Variants in GPT2 observed in about 807,000 individuals in gnomAD.
GPT2 encodes glutamic--pyruvic transaminase 2.
Under a neutral mutation model 56.9 loss-of-function variants are expected in GPT2, and 30 were observed. That is an observed-to-expected ratio of 0.53 (90% CI 0.39 to 0.72). The LOEUF (loss-of-function observed/expected upper bound fraction) is 0.72, where lower values mean the gene tolerates loss of function less well. GPT2 is among the 30% of genes least tolerant of loss of function. The pLI, the probability that GPT2 is intolerant of heterozygous loss-of-function variation, is 0.00. For synonymous variants in GPT2, 271 were observed against 283.1 expected (o/e 0.96, Z 0.43); for missense variants, 542 against 703.4 (o/e 0.77, Z 2.60).
At chr16:46,925,212 G>GT (rs147128714) in intron 10 of GPT2, among the ~76,000 whole-genome samples, 25,623 of 151,496 alleles carry the variant, frequency 0.17, 2,830 homozygotes, top group African/African-American at 0.31. Context: ...TGCCTGGCTT[G>GT]TTTTTTTGTT....
At chr16:46,895,015 A>T (rs1435718304) in intron 2 of GPT2, among the ~76,000 whole-genome samples, 6 of 152,076 alleles carry the variant, frequency 3.9e-5, no homozygotes, top group Non-Finnish European at 2.9e-5. Flanking sequence ...AACTCAGCAG[A>T]TGGGCCACAA....
chr16:46,924,005 G>T, intron 9 of GPT2: 1 of 353,672 alleles, frequency 2.8e-6, no homozygotes, highest in Admixed American at 3.8e-5. Context: ...GAACTCCCTG[G>T]TGTCTGTGTG....
At chr16:46,915,361 CAT>C (rs57307811) in intron 6 of GPT2, 122,005 of 151,162 alleles carry the variant, frequency 0.81, 50,372 homozygotes, top group East Asian at 0.99. Flanking sequence ...CACACATGCA[CAT>C]GTGTGTGCAC....
chr16:46,911,439 T>G (rs1261888301), intron 6 of GPT2, among the ~76,000 whole-genome samples: 1 of 152,120 alleles, frequency 6.6e-6, no homozygotes, highest in Non-Finnish European at 1.5e-5. Flanking sequence ...GTGCAGAAAA[T>G]GGGTGCAGCT....
At chr16:46,927,119 A>G (rs751874794) in intron 11 of GPT2, 82 bp downstream of exon 11, 17 of 833,452 alleles carry the variant, frequency 2.0e-5, no homozygotes, top group Non-Finnish European at 3.0e-5. Flanking sequence ...GCAGAGGACT[A>G]CTTCAAAGAG....
chr16:46,904,845 C>T (rs1238905499), intron 4 of GPT2, among the ~76,000 whole-genome samples: 1 of 152,168 alleles, frequency 6.6e-6, no homozygotes, highest in Non-Finnish European at 1.5e-5. Flanking sequence ...CCAGCATCTG[C>T]ACCTACCCTT....
chr16:46,907,654 C>T (rs1015375147), intron 5 of GPT2, among the ~76,000 whole-genome samples: 8 of 152,156 alleles, frequency 5.3e-5, no homozygotes, highest in East Asian at 1.9e-4. Flanking sequence ...AGTTACCAGG[C>T]GTGGGCTGGC....
At chr16:46,886,433 G>A (rs1960485729) in intron 2 of GPT2, among the ~76,000 whole-genome samples, 1 of 152,172 alleles carries the variant, frequency 6.6e-6, no homozygotes, top group Non-Finnish European at 1.5e-5. Flanking sequence ...AGGATGATGA[G>A]GACAGAAGGG....
At chr16:46,922,152 T>G in intron 8 of GPT2, 90 bp from the exon 9 acceptor site, 1 of 1,265,898 alleles carries the variant, frequency 7.9e-7, no homozygotes, top group East Asian at 2.4e-5. Flanking sequence ...GTGTTGGGTG[T>G]GGGAATGCTT....
chr16:46,924,094 A>C (rs1175947650), intron 9 of GPT2: 1 of 423,894 alleles, frequency 2.4e-6, no homozygotes, highest in African/African-American at 2.0e-5. Flanking sequence ...TGTTCCACCC[A>C]CCTCCCTGTT....
chr16:46,918,120 G>A (rs1961208854), intron 7 of GPT2, among the ~76,000 whole-genome samples: 1 of 152,236 alleles, frequency 6.6e-6, no homozygotes, highest in South Asian at 2.1e-4. Flanking sequence ...GGGTATAAAT[G>A]CTGCTCTGGC....
At chr16:46,924,812 G>A (rs1460937520) in intron 10 of GPT2, among the ~76,000 whole-genome samples, 1 of 152,246 alleles carries the variant, frequency 6.6e-6, no homozygotes, top group Non-Finnish European at 1.5e-5. Flanking sequence ...CAAGGGCGGT[G>A]CCCAGGTGAG....
At chr16:46,920,810 C>T (rs1238826500) in intron 8 of GPT2, among the ~76,000 whole-genome samples, 1 of 152,076 alleles carries the variant, frequency 6.6e-6, no homozygotes, top group African/African-American at 2.4e-5. Context: ...TTTTCCTAAA[C>T]AAATCTGTTC....
At chr16:46,898,939 T>TAC (rs1313078613) in intron 3 of GPT2, among the ~76,000 whole-genome samples, 2 of 90,866 alleles carry the variant, frequency 2.2e-5, no homozygotes, top group African/African-American at 4.7e-5. Context: ...TGTATATATA[T>TAC]ACACACACAT....
intron 8 of GPT2, among the ~76,000 whole-genome samples, 155 bp downstream of exon 8, chr16:46,918,912 G>T (rs575312961): frequency 2.2e-4 from 33 of 152,344 alleles, no homozygotes; most frequent in Admixed American, 4.6e-4. Context: ...GAGAGCCGTG[G>T]TGTGAGAACA....
At chr16:46,885,085 C>T (rs1960458480) in intron 2 of GPT2, 127 bp downstream of exon 2, 1 of 1,349,380 alleles carries the variant, frequency 7.4e-7, no homozygotes, top group African/African-American at 1.5e-5. Context: ...CCAAGCCTGG[C>T]TAAAACGAGA....
chr16:46,927,058 T>C, intron 11 of GPT2, 21 bp downstream of exon 11: 1 of 1,466,822 alleles, frequency 6.8e-7, no homozygotes, highest in Non-Finnish European at 9.4e-7. Context: ...CTCTCCGCAC[T>C]AGGGGCTGGT....
At chr16:46,922,205 A>G (rs752096720) in intron 8 of GPT2, 37 bp from the exon 9 acceptor site, 19 of 1,604,532 alleles carry the variant, frequency 1.2e-5, no homozygotes, top group African/African-American at 5.4e-5. Context: ...AGGTCTTTCT[A>G]TAACTGGTGG....
chr16:46,930,959 C>G lies in GPT2; in HGVS notation c.*1962C>G, dbSNP rs1961533093. ...TTTTCTACAGATTCTGTTCCGGTGC[C>G]TTTCCTATCCAGGCACCACCTGAGA... On this transcript the variant is annotated 3_prime_UTR_variant, in exon 12 of 12. Coordinates refer to ENST00000340124, the MANE Select transcript of GPT2 (RefSeq NM_133443.4). 1 of 152,624 alleles carries G rather than the reference C, an allele frequency of 6.6e-6. No homozygotes were observed. Among genetic ancestry groups the G allele is most frequent in the Non-Finnish European group, 1.5e-5 (1 of 68,034 alleles). 9.5% of individuals were successfully genotyped at this position (152,624 alleles called of 1,614,324 possible).
Sources: allele counts gnomAD v4.1 joint callset (sites outside exome capture counted in the v4.1 genomes callset), GRCh38; gene constraint gnomAD v4.1.1; transcripts MANE v1.5; gene names NCBI Gene and HGNC (gene_info 2026-07-23, HGNC 2026-07-21).